The following C11orf65 variants were observed in gnomAD, a reference collection of about 807,000 sequenced individuals.
The protein encoded by C11orf65 is chromosome 11 open reading frame 65.
In C11orf65, 38 loss-of-function variants were observed where a neutral mutation model predicts 35.3. The ratio of observed to expected loss-of-function variants is 1.08; its 90% CI spans 0.83 to 1.41. C11orf65 has a LOEUF of 1.41. Ranked by LOEUF, C11orf65 falls within the 40% of genes most tolerant of loss-of-function variation. C11orf65 has a pLI of 0.00. For missense variants in C11orf65, 370 were observed against 367.1 expected (o/e 1.01, Z -0.06); for synonymous variants, 105 against 114.4 (o/e 0.92, Z 0.53).
chr11:108,350,183 T>C (rs942101295), intron 2 of C11orf65, among the ~76,000 whole-genome samples: 1 of 152,068 alleles, frequency 6.6e-6, no homozygotes, highest in African/African-American at 2.4e-5. Flanking sequence ...GTGGAGCCAA[T>C]AGGGTTGTTG....
rs765224992 is a variant in C11orf65, at chr11:108,431,883, T to C, written c.82-45A>G. 9 of 1,219,526 alleles carry C rather than the reference T, an allele frequency of 7.4e-6. No individual in the cohort carries two copies. The South Asian group carries it at 1.6e-4, about 22-fold the overall frequency. 75.5% of individuals were successfully genotyped at this position (1,219,526 alleles called of 1,614,324 possible). Reference sequence around the variant, plus strand: ...ATTTCATGATCAAAACTGGATTTTCTATTTCTACTTCGCTTTTTGTCTAAT... The same window carrying C: ...ATTTCATGATCAAAACTGGATTTTCCATTTCTACTTCGCTTTTTGTCTAAT... On this transcript the variant is annotated intron_variant, in intron 2 of 8. Coordinates refer to ENST00000393084, the MANE Select transcript of C11orf65 (RefSeq NM_152587.5).
intron 2 of C11orf65, among the ~76,000 whole-genome samples, chr11:108,339,382 A>G (rs227068): frequency 0.53 from 79,963 of 151,902 alleles, 21,858 homozygotes; most frequent in Middle Eastern, 0.73. Context: ...CAGAGCATCT[A>G]TCTCAGTCAT....
chr11:108,341,346 T>C (rs1210580944), intron 2 of C11orf65, among the ~76,000 whole-genome samples: 1 of 152,118 alleles, frequency 6.6e-6, no homozygotes, highest in Non-Finnish European at 1.5e-5. Flanking sequence ...ATTACCCACT[T>C]TCTCTCTTTT....
In C11orf65 at chr11:108,396,870, TAAATA is replaced by T. The variant is rs1555162894; in HGVS notation, c.561-3497_561-3493del. ...ATAAATAAATAAATAAATAAATAAA[TAAATA>T]AAATAAAATAGTTACTATTATAATT... On this transcript the variant is annotated intron_variant, in intron 6 of 8. Transcript: ENST00000393084. Among the ~76,000 whole-genome samples, 286 of 144,966 alleles carry T rather than the reference TAAATA, an allele frequency of 2.0e-3. 3 individuals carry two copies. Among genetic ancestry groups the T allele is most frequent in the African/African-American group, 6.1e-3 (239 of 39,352 alleles).
At chr11:108,360,272 A>C (rs1317183236) in intron 2 of C11orf65, among the ~76,000 whole-genome samples, 1 of 105,702 alleles carries the variant, frequency 9.5e-6, no homozygotes, top group Non-Finnish European at 2.2e-5. Context: ...TGAATAGACC[A>C]GTAACAGGAG....
At chr11:108,325,413 CTACG>C in intron 6 of C11orf65, 1 of 1,613,766 alleles carries the variant, frequency 6.2e-7, no homozygotes, top group Middle Eastern at 1.7e-4. Flanking sequence ...TATCATGGCT[CTACG>C]CACAGTCATT....
intron 2 of C11orf65, among the ~76,000 whole-genome samples, chr11:108,445,681 G>A (rs2093243001): frequency 2.0e-5 from 3 of 152,218 alleles, no homozygotes; most frequent in South Asian, 2.1e-4. Flanking sequence ...AAAAAACAGA[G>A]CAGAAAAACT....
intron 2 of C11orf65, among the ~76,000 whole-genome samples, chr11:108,343,560 T>C (rs2087882856): frequency 6.6e-6 from 1 of 152,194 alleles, no homozygotes; most frequent in Non-Finnish European, 1.5e-5. Flanking sequence ...TTAAACTACA[T>C]AATATGTCAA....
At chr11:108,373,092 TAAAAG>T (rs962665456) in intron 2 of C11orf65, among the ~76,000 whole-genome samples, 50 of 151,252 alleles carry the variant, frequency 3.3e-4, no homozygotes, top group South Asian at 8.4e-4. Flanking sequence ...AAAAAAAAAT[TAAAAG>T]AAAGAAAACT....
At chr11:108,414,517 A>G (rs2092704512) in intron 3 of C11orf65, among the ~76,000 whole-genome samples, 1 of 152,126 alleles carries the variant, frequency 6.6e-6, no homozygotes, top group Non-Finnish European at 1.5e-5. Context: ...TCACAGAAGT[A>G]GTAGATAATT....
intron 6 of C11orf65, among the ~76,000 whole-genome samples, chr11:108,395,683 C>T (rs2092292384): frequency 2.3e-5 from 3 of 129,520 alleles, no homozygotes; most frequent in Admixed American, 8.0e-5. Flanking sequence ...TGCAGTGGCG[C>T]CATCTCGGCT....
At chr11:108,385,421 G>A (rs1022698839) in intron 8 of C11orf65, among the ~76,000 whole-genome samples, 2 of 151,888 alleles carry the variant, frequency 1.3e-5, no homozygotes, top group Non-Finnish European at 2.9e-5. Flanking sequence ...GGTGGCTCTC[G>A]CCTGTAATCC....
chr11:108,368,387 A>G (rs959280231), intron 2 of C11orf65: 1 of 210,598 alleles, frequency 4.7e-6, no homozygotes, highest in African/African-American at 2.3e-5. Context: ...TTAGATTTTG[A>G]AAATATTAAT....
At chr11:108,396,087 T>G (rs1591457691) in intron 6 of C11orf65, among the ~76,000 whole-genome samples, 1 of 151,946 alleles carries the variant, frequency 6.6e-6, no homozygotes. Flanking sequence ...TTTGACTTCA[T>G]CAGATTTTAA....
At chr11:108,432,638 T>C (rs142675271) in intron 2 of C11orf65, among the ~76,000 whole-genome samples, 3 of 152,304 alleles carry the variant, frequency 2.0e-5, no homozygotes, top group Admixed American at 6.5e-5. Flanking sequence ...CATTTGCTTA[T>C]GTTAAAGCAA....
chr11:108,421,770 C>T (rs1440611899), intron 3 of C11orf65, among the ~76,000 whole-genome samples: 1 of 152,180 alleles, frequency 6.6e-6, no homozygotes, highest in Non-Finnish European at 1.5e-5. Flanking sequence ...CCTTTGTTTC[C>T]ACAGCTGCTG....
intron 3 of C11orf65, chr11:108,332,132 C>G (rs182757480): frequency 6.7e-7 from 1 of 1,499,678 alleles, no homozygotes; most frequent in Admixed American, 1.9e-5. Flanking sequence ...AAGATGCCAT[C>G]TAAAATCGGT....
intron 3 of C11orf65, among the ~76,000 whole-genome samples, chr11:108,424,713 T>A (rs1454047239): frequency 2.6e-5 from 4 of 152,190 alleles, no homozygotes; most frequent in Admixed American, 6.5e-5. Flanking sequence ...AGATACATTC[T>A]TCTCAACATC....
intron 1 of C11orf65, among the ~76,000 whole-genome samples, chr11:108,462,871 T>C (rs1325429410): frequency 3.9e-5 from 6 of 152,166 alleles, no homozygotes; most frequent in Non-Finnish European, 1.5e-5. Flanking sequence ...TGTAATCCCA[T>C]GGTTTTGGGA....
Sources: allele counts gnomAD v4.1 joint callset (sites outside exome capture counted in the v4.1 genomes callset), GRCh38; gene constraint gnomAD v4.1.1; transcripts MANE v1.5; gene names NCBI Gene and HGNC (gene_info 2026-07-23, HGNC 2026-07-21).